The following MTREX variants were observed in gnomAD, a reference collection of about 807,000 sequenced individuals.
The protein encoded by MTREX is exosome RNA helicase MTR4.
A neutral mutation model predicts 135.4 loss-of-function variants in MTREX; 76 were observed. The observed-to-expected ratio is 0.56, with a 90% CI of 0.47 to 0.68. The LOEUF (loss-of-function observed/expected upper bound fraction) is 0.68, where lower values mean the gene tolerates loss of function less well. Ranked by LOEUF, MTREX falls within the 30% of genes least tolerant of loss-of-function variation. MTREX has a pLI of 0.00. For synonymous variants in MTREX, 404 were observed against 401.6 expected, an observed-to-expected ratio of 1.01 and a Z score of -0.07; for missense variants, 920 against 1,262.1, an observed-to-expected ratio of 0.73 and a Z score of 4.11.
At chr5:55,347,476 T>C (rs16884087) in intron 11 of MTREX, among the ~76,000 whole-genome samples, 21,281 of 152,154 alleles carry the variant, frequency 0.14, 1,870 homozygotes, top group East Asian at 0.26. Flanking sequence ...GTAGGTCTCA[T>C]AGCTTGGTTA....
At chr5:55,350,889 T>G in intron 12 of MTREX, 30 bp from the exon 13 acceptor site, 1 of 1,507,606 alleles carries the variant, frequency 6.6e-7, no homozygotes, top group Non-Finnish European at 9.0e-7. Context: ...CTCACATCAT[T>G]ATAAAATCAG....
At chr5:55,339,637 T>TTTCCTCC (rs1749611223) in intron 5 of MTREX, among the ~76,000 whole-genome samples, 1 of 152,222 alleles carries the variant, frequency 6.6e-6, no homozygotes, top group Non-Finnish European at 1.5e-5. Flanking sequence ...GAGGAAACAC[T>TTTCCTCC]TCATTTTCCA....
At chr5:55,421,411 T>C (rs1579907207) in intron 25 of MTREX, among the ~76,000 whole-genome samples, 1 of 152,234 alleles carries the variant, frequency 6.6e-6, no homozygotes, top group Non-Finnish European at 1.5e-5. Flanking sequence ...TATGCAACCT[T>C]GTGCCTACTG....
chr5:55,420,456 G>A (rs1561214901), intron 25 of MTREX, among the ~76,000 whole-genome samples: 1 of 152,200 alleles, frequency 6.6e-6, no homozygotes, highest in Non-Finnish European at 1.5e-5. Flanking sequence ...TATTAGGTTG[G>A]TGCCAAAGTA....
rs189148255 is a variant in MTREX, at chr5:55,372,339, C to T, written c.1810+5464C>T. The stretch of plus-strand genomic sequence containing the variant: ...AAATAACCAGGATGATGCAGTATGC[C>T]CAAGGTAGTACAAAAGACTAGAACT... On this transcript the variant is annotated intron_variant, in intron 16 of 26. Coordinates refer to ENST00000230640, the MANE Select transcript of MTREX (RefSeq NM_015360.5). Among the ~76,000 whole-genome samples the T allele has an allele frequency of 1.1e-3, 160 of 151,838 alleles. 1 individual carries two copies. The highest frequency in any genetic ancestry group is 3.7e-3 in the African/African-American group (154 of 41,392).
At chr5:55,332,664 G>C (rs1447200343) in intron 5 of MTREX, among the ~76,000 whole-genome samples, 3 of 152,098 alleles carry the variant, frequency 2.0e-5, no homozygotes, top group Non-Finnish European at 4.4e-5. Flanking sequence ...TTTTAACTGG[G>C]GCCCACCCCC....
intron 18 of MTREX, among the ~76,000 whole-genome samples, chr5:55,381,359 C>T (rs1239513637): frequency 6.6e-6 from 1 of 152,106 alleles, no homozygotes; most frequent in Non-Finnish European, 1.5e-5. Flanking sequence ...TGAGATACCT[C>T]TTCTTTTTAA....
At chr5:55,327,571 T>G (rs1341075515) in intron 3 of MTREX, 145 bp from the exon 4 acceptor site, 2 of 600,844 alleles carry the variant, frequency 3.3e-6, no homozygotes, top group African/African-American at 3.7e-5. Context: ...GACAGTTATT[T>G]GATTTACAGT....
chr5:55,395,391 G>A (rs1223567847), intron 19 of MTREX, among the ~76,000 whole-genome samples: 1 of 152,108 alleles, frequency 6.6e-6, no homozygotes, highest in African/African-American at 2.4e-5. Context: ...GGGCGACAGA[G>A]CAAGACTCTG....
intron 15 of MTREX, among the ~76,000 whole-genome samples, chr5:55,362,597 G>A (rs1364235148): frequency 1.3e-5 from 2 of 152,058 alleles, no homozygotes; most frequent in African/African-American, 4.8e-5. Flanking sequence ...CTGACCTCAG[G>A]TGATCCACCC....
chr5:55,419,041 T>C (rs1325891833), intron 25 of MTREX, among the ~76,000 whole-genome samples: 1 of 152,128 alleles, frequency 6.6e-6, no homozygotes, highest in Non-Finnish European at 1.5e-5. Context: ...GATATGATTT[T>C]ACCATGAAGC....
At chr5:55,318,060 C>G (rs1329512541) in intron 1 of MTREX, among the ~76,000 whole-genome samples, 32 of 152,018 alleles carry the variant, frequency 2.1e-4, no homozygotes, top group Admixed American at 2.1e-3. Flanking sequence ...AAATCAAAAC[C>G]ACAAATGAGA....
intron 6 of MTREX, 99 bp from the exon 7 acceptor site, chr5:55,341,582 A>G: frequency 1.8e-6 from 1 of 562,144 alleles, no homozygotes; most frequent in Admixed American, 3.5e-5. Flanking sequence ...CATTTAATAA[A>G]GAATATCCAA....
At chr5:55,420,844 A>AT (rs11417251) in intron 25 of MTREX, among the ~76,000 whole-genome samples, 132,342 of 152,150 alleles carry the variant, frequency 0.87, 57,801 homozygotes, top group South Asian at 0.92. Flanking sequence ...ATTTAAAATA[A>AT]TTTATGGTGT....
intron 16 of MTREX, 40 bp from the exon 17 acceptor site, chr5:55,378,274 T>C: frequency 1.3e-6 from 2 of 1,535,026 alleles, no homozygotes; most frequent in Non-Finnish European, 1.7e-6. Context: ...TTAAATAAGA[T>C]GTATAACCTT....
intron 15 of MTREX, among the ~76,000 whole-genome samples, chr5:55,359,247 A>AT (rs1396468446): frequency 6.6e-6 from 1 of 152,168 alleles, no homozygotes; most frequent in African/African-American, 2.4e-5. Flanking sequence ...ATGGTCTAGG[A>AT]TTTTGTTTTG....
chr5:55,408,345 T>C (rs1750837900), intron 22 of MTREX, among the ~76,000 whole-genome samples: 1 of 152,182 alleles, frequency 6.6e-6, no homozygotes, highest in Non-Finnish European at 1.5e-5. Flanking sequence ...AATCAATTAT[T>C]AGAGCACTCT....
intron 21 of MTREX, among the ~76,000 whole-genome samples, chr5:55,402,508 A>G (rs565525437): frequency 6.6e-6 from 1 of 151,238 alleles, no homozygotes; most frequent in African/African-American, 2.5e-5. Flanking sequence ...GCTCAAATAT[A>G]CTGAAAAAGA....
intron 1 of MTREX, among the ~76,000 whole-genome samples, chr5:55,310,569 CT>C (rs1343224256): frequency 6.6e-6 from 1 of 151,984 alleles, no homozygotes; most frequent in Non-Finnish European, 1.5e-5. Flanking sequence ...GACTGTGCCA[CT>C]GCACTCCAGC....
Sources: allele counts gnomAD v4.1 joint callset (sites outside exome capture counted in the v4.1 genomes callset), GRCh38; gene constraint gnomAD v4.1.1; transcripts MANE v1.5; gene names NCBI Gene and HGNC (gene_info 2026-07-23, HGNC 2026-07-21).